Variants in CASD1 observed in about 807,000 individuals in gnomAD.
The protein encoded by CASD1 is CAS1 domain sialic acid O acetyltransferase 1.
A neutral mutation model predicts 100.0 loss-of-function variants in CASD1; 41 were observed. That is an observed-to-expected ratio of 0.41 (90% CI 0.32 to 0.53). The LOEUF (loss-of-function observed/expected upper bound fraction) is 0.53. Among genes scored for constraint, CASD1 ranks in the 20% least tolerant of loss-of-function variants. The pLI is 0.25. For missense variants in CASD1, 774 were observed against 948.7 expected (o/e 0.82, Z 2.42); for synonymous variants, 321 against 315.6 (o/e 1.02, Z -0.18).
At chr7:94,599,187 T>C in the CASD1 span, 1 of 491,124 alleles carries the variant, frequency 2.0e-6, no homozygotes, top group Non-Finnish European at 3.6e-6. Context: ...AGGTGTTTTA[T>C]TAAACTAAGC....
At chr7:94,621,586 G>A in the CASD1 span, 1 of 152,190 alleles carries the variant, frequency 6.6e-6, no homozygotes. Context: ...TATAGAACAA[G>A]CTTTCAATTT....
downstream of CASD1, among the ~76,000 whole-genome samples, chr7:94,557,591 T>TC (rs943509307): frequency 2.0e-5 from 3 of 152,044 alleles, no homozygotes; most frequent in Admixed American, 6.6e-5. Flanking sequence ...AGATGACCAG[T>TC]CTCCCTGTGT....
At chr7:94,533,105 A>C in intron 5 of CASD1, 100 bp from the exon 6 acceptor site, 1 of 693,324 alleles carries the variant, frequency 1.4e-6, no homozygotes, top group Non-Finnish European at 2.3e-6. Flanking sequence ...TGAATTTAGA[A>C]GGAAGAACTT....
At chr7:94,579,837 T>C in the CASD1 span, among the ~76,000 whole-genome samples, 2 of 152,186 alleles carry the variant, frequency 1.3e-5, no homozygotes, top group African/African-American at 4.8e-5. Context: ...ATTTTGGTTT[T>C]CTCAGAGGTA....
intron 11 of CASD1, 44 bp downstream of exon 11, chr7:94,544,574 T>G (rs764395278): frequency 2.5e-6 from 4 of 1,580,818 alleles, no homozygotes; most frequent in South Asian, 2.4e-5. Flanking sequence ...TTGAACATAC[T>G]TTCTTGAGAA....
chr7:94,630,937 GTTTC>G, the CASD1 span, among the ~76,000 whole-genome samples: 7 of 152,054 alleles, frequency 4.6e-5, no homozygotes, highest in Middle Eastern at 3.4e-3. Flanking sequence ...CCCACAAAAT[GTTTC>G]TTTATCTGTG....
the CASD1 span, among the ~76,000 whole-genome samples, chr7:94,602,328 G>GGC: frequency 2.0e-5 from 3 of 152,148 alleles, no homozygotes; most frequent in African/African-American, 7.2e-5. Context: ...TGAGACAAGA[G>GGC]GCATGAGAAG....
At chr7:94,597,243 A>G in the CASD1 span, 1 of 152,042 alleles carries the variant, frequency 6.6e-6, no homozygotes, top group Non-Finnish European at 1.5e-5. Context: ...ATTACCCACT[A>G]CCCATTACTT....
chr7:94,628,143 C>CACACAA, the CASD1 span: 1 of 1,290,890 alleles, frequency 7.7e-7, no homozygotes, highest in Non-Finnish European at 1.1e-6. Context: ...ACAATACACA[C>CACACAA]ACACACACAC....
intron 5 of CASD1, among the ~76,000 whole-genome samples, chr7:94,528,831 C>G (rs1365529787): frequency 2.0e-5 from 3 of 152,068 alleles, no homozygotes; most frequent in Non-Finnish European, 4.4e-5. Context: ...TCTGTCAGTC[C>G]TTTAATTAAA....
At chr7:94,610,649 T>A in the CASD1 span, among the ~76,000 whole-genome samples, 1 of 151,872 alleles carries the variant, frequency 6.6e-6, no homozygotes, top group East Asian at 1.9e-4. Flanking sequence ...AGAAAAAAAA[T>A]AAATTGAACT....
chr7:94,598,435 A>G, the CASD1 span: 1 of 267,718 alleles, frequency 3.7e-6, no homozygotes, highest in African/African-American at 2.3e-5. Context: ...ATATCTCTAA[A>G]AATAATCAAT....
At chr7:94,559,588 C>T (rs951110955), downstream of CASD1, among the ~76,000 whole-genome samples, 3 of 152,046 alleles carry the variant, frequency 2.0e-5, no homozygotes, top group Non-Finnish European at 4.4e-5. Context: ...TGCAATGGCG[C>T]AATCTCGGCT....
At chr7:94,616,136 A>C in the CASD1 span, among the ~76,000 whole-genome samples, 1 of 152,184 alleles carries the variant, frequency 6.6e-6, no homozygotes, top group Admixed American at 6.5e-5. Flanking sequence ...AAGGATGAGG[A>C]GCTCAGATGC....
At chr7:94,530,042 A>G (rs1327149629) in intron 5 of CASD1, among the ~76,000 whole-genome samples, 2 of 152,162 alleles carry the variant, frequency 1.3e-5, no homozygotes, top group Non-Finnish European at 2.9e-5. Context: ...TTAACGTTAT[A>G]GAGATCCTCC....
chr7:94,595,293 A>C, the CASD1 span, among the ~76,000 whole-genome samples: 1 of 152,276 alleles, frequency 6.6e-6, no homozygotes, highest in South Asian at 2.1e-4. Context: ...TGACTTGTTT[A>C]AAGGAACAAA....
chr7:94,591,320 C>G, the CASD1 span, among the ~76,000 whole-genome samples: 1 of 152,144 alleles, frequency 6.6e-6, no homozygotes, highest in African/African-American at 2.4e-5. Flanking sequence ...TTTACCTACT[C>G]AGGTATAACT....
At chr7:94,541,525 T>A (rs1371619070) in intron 10 of CASD1, among the ~76,000 whole-genome samples, 1 of 147,938 alleles carries the variant, frequency 6.8e-6, no homozygotes, top group Non-Finnish European at 1.5e-5. Flanking sequence ...GTAGGTGATT[T>A]GTGTTCCACT....
chr7:94,560,687 G>A (rs921397816), downstream of CASD1, among the ~76,000 whole-genome samples: 1 of 152,062 alleles, frequency 6.6e-6, no homozygotes. Flanking sequence ...ATTAGAATAA[G>A]GTAATGGTTT....
Sources: gnomAD v4.1 joint callset for allele counts (sites outside exome capture counted in the v4.1 genomes callset) on GRCh38, gnomAD v4.1.1 for gene constraint, MANE v1.5 for transcripts, NCBI Gene and HGNC (gene_info 2026-07-23, HGNC 2026-07-21) for gene names.